Variants in PPP1R17 observed in about 807,000 individuals in gnomAD.
PPP1R17 encodes the protein protein phosphatase 1 regulatory subunit 17.
In PPP1R17, 12 loss-of-function variants were observed where a neutral mutation model predicts 15.9. That is an observed-to-expected ratio of 0.75 (90% CI 0.48 to 1.22). PPP1R17 has a LOEUF of 1.22. Among genes scored for constraint, PPP1R17 ranks in the 50% most tolerant of loss-of-function variants. PPP1R17 has a pLI of 0.00. For synonymous variants in PPP1R17, 63 were observed against 64.5 expected (o/e 0.98, Z 0.11); for missense variants, 211 against 187.3 (o/e 1.13, Z -0.74).
chr7:31,695,679 A>G, intron 3 of PPP1R17, 58 bp downstream of exon 3: 1 of 1,530,570 alleles, frequency 6.5e-7, no homozygotes, highest in Non-Finnish European at 8.8e-7. Context: ...ACTAGGTTGC[A>G]TTGTTCGTAC....
Position 31,690,112 on chromosome 7 carries a change from T to G in PPP1R17, c.-36-2294T>G, listed in dbSNP as rs112703575. Reference sequence around the variant, plus strand: ...GACAGGCTTTCTTTTTCTAGACTGGTGCTGCCATAGCTGCTTTGCTCAGAG... The same window carrying G: ...GACAGGCTTTCTTTTTCTAGACTGGGGCTGCCATAGCTGCTTTGCTCAGAG... On this transcript the variant is annotated intron_variant, in intron 1 of 4. Coordinates refer to ENST00000342032, the MANE Select transcript of PPP1R17 (RefSeq NM_006658.5). Among the ~76,000 whole-genome samples the G allele has an allele frequency of 5.3e-5, 8 of 152,352 alleles. 1 individual carries two copies. Among genetic ancestry groups the G allele is most frequent in the African/African-American group, 1.9e-4 (8 of 41,576 alleles).
intron 4 of PPP1R17, among the ~76,000 whole-genome samples, chr7:31,705,020 C>A (rs910804262): frequency 6.6e-6 from 1 of 152,162 alleles, no homozygotes; most frequent in African/African-American, 2.4e-5. Flanking sequence ...TTTCTATGAG[C>A]TACCACATAT....
chr7:31,698,676 G>A (rs1405648293), intron 4 of PPP1R17, among the ~76,000 whole-genome samples: 1 of 152,224 alleles, frequency 6.6e-6, no homozygotes, highest in African/African-American at 2.4e-5. Context: ...AATGGTACAG[G>A]AAGAAAGTCA....
chr7:31,703,318 C>T lies in PPP1R17; in HGVS notation c.389-3886C>T, dbSNP rs554513671. Among the ~76,000 whole-genome samples the T allele has an allele frequency of 1.4e-4, 21 of 152,312 alleles. No homozygotes were observed. In the South Asian group the frequency reaches 1.4e-3, roughly 11 times the overall value. ...CCTGCTGATTCAAGGAACAGCCTAA[C>T]GGGTTGAGCTCTGTTTACCTGGCAT... On this transcript the variant is annotated intron_variant, in intron 4 of 4. Transcript: ENST00000342032.
chr7:31,697,054 C>T lies in PPP1R17; in HGVS notation c.325C>T (p.Leu109=). ...GATCCCTGTTCTTCATAACACTGAC[C>T]TGGAACAGAAAAAGCCAAGGAGAAA... ...KMIPVLHNTD[L]EQKKPRRKDT... The change falls in exon 4 of 5, where the codon CTG becomes TTG. Residue 109 remains leucine (L), a synonymous_variant. Coordinates refer to ENST00000342032, the MANE Select transcript of PPP1R17 (RefSeq NM_006658.5). 2 of 1,614,128 alleles carry T rather than the reference C, an allele frequency of 1.2e-6. No homozygotes were observed. Among genetic ancestry groups the T allele is most frequent in the Non-Finnish European group, 1.7e-6 (2 of 1,180,016 alleles).
intron 4 of PPP1R17, among the ~76,000 whole-genome samples, chr7:31,704,384 C>T (rs1483892905): frequency 1.3e-5 from 2 of 152,194 alleles, no homozygotes; most frequent in African/African-American, 4.8e-5. Flanking sequence ...AGCTGATTGG[C>T]CCTTGGAGAC....
chr7:31,704,681 G>T (rs917338937), intron 4 of PPP1R17, among the ~76,000 whole-genome samples: 3 of 152,166 alleles, frequency 2.0e-5, no homozygotes, highest in Non-Finnish European at 4.4e-5. Flanking sequence ...TCTATTTGGG[G>T]ACATCACACA....
At chr7:31,687,771 G>A (rs1792165615) in intron 1 of PPP1R17, among the ~76,000 whole-genome samples, 2 of 152,152 alleles carry the variant, frequency 1.3e-5, no homozygotes, top group Admixed American at 6.5e-5. Context: ...AAAGAGGTTT[G>A]ACAATGAATA....
chr7:31,693,827 G>C (rs1792457497), intron 2 of PPP1R17, among the ~76,000 whole-genome samples: 3 of 152,142 alleles, frequency 2.0e-5, no homozygotes, highest in Admixed American at 2.0e-4. Flanking sequence ...AAGAGAGAAG[G>C]AAGAGAAGGA....
At position 31,707,482 on chromosome 7, in the gene PPP1R17, T is replaced by C; in HGVS notation, c.*199T>C. On this transcript the variant is annotated 3_prime_UTR_variant, in exon 5 of 5. Transcript: ENST00000342032. ...CTCTTCTTTCTGAGTATGGTTTCTA[T>C]TCTGTGTTTTGAATTTTTATTTTCT... The C allele has an allele frequency of 1.8e-6, 1 of 540,862 alleles. No homozygotes were observed. The highest frequency in any genetic ancestry group is 3.2e-6 in the Non-Finnish European group (1 of 307,832). 33.5% of individuals were successfully genotyped at this position (540,862 alleles called of 1,614,324 possible).
At chr7:31,697,861 G>A (rs112153922) in intron 4 of PPP1R17, among the ~76,000 whole-genome samples, 51 of 152,252 alleles carry the variant, frequency 3.3e-4, no homozygotes, top group Non-Finnish European at 5.7e-4. Flanking sequence ...CTATTATCTC[G>A]TTTTGCAGAC....
At chr7:31,704,464 T>C (rs1380238318) in intron 4 of PPP1R17, among the ~76,000 whole-genome samples, 2 of 152,208 alleles carry the variant, frequency 1.3e-5, no homozygotes, top group Non-Finnish European at 1.5e-5. Flanking sequence ...TAAACTCTTC[T>C]GTATAGAGAG....
At chr7:31,690,212 C>T (rs190735897) in intron 1 of PPP1R17, among the ~76,000 whole-genome samples, 12 of 152,302 alleles carry the variant, frequency 7.9e-5, no homozygotes, top group East Asian at 3.9e-4. Flanking sequence ...CATTATACAA[C>T]GGGTCTTCCT....
chr7:31,690,173 A>G (rs956675468), intron 1 of PPP1R17, among the ~76,000 whole-genome samples: 3 of 152,236 alleles, frequency 2.0e-5, no homozygotes, highest in Non-Finnish European at 2.9e-5. Context: ...CATCTGAAAG[A>G]AAAGTTCAAT....
intron 2 of PPP1R17, among the ~76,000 whole-genome samples, chr7:31,693,446 T>C (rs1463638557): frequency 6.6e-6 from 1 of 152,202 alleles, no homozygotes; most frequent in Non-Finnish European, 1.5e-5. Context: ...GGCATTAAGA[T>C]ACATAGTCCC....
intron 4 of PPP1R17, among the ~76,000 whole-genome samples, chr7:31,705,593 T>C (rs1279267968): frequency 6.6e-6 from 1 of 152,210 alleles, no homozygotes; most frequent in Non-Finnish European, 1.5e-5. Context: ...AACTAGGAAC[T>C]GAAACAAATG....
chr7:31,697,350 C>A (rs1264384069), intron 4 of PPP1R17, among the ~76,000 whole-genome samples: 1 of 152,162 alleles, frequency 6.6e-6, no homozygotes, highest in East Asian at 1.9e-4. Context: ...CATGCCTCAG[C>A]AGAGCTGGTT....
chr7:31,694,091 T>C (rs1333205415), intron 2 of PPP1R17, among the ~76,000 whole-genome samples: 1 of 152,188 alleles, frequency 6.6e-6, no homozygotes, highest in Non-Finnish European at 1.5e-5. Context: ...AGTTAAAAGA[T>C]AAGGCACCTG....
chr7:31,707,309 A>G lies in PPP1R17; in HGVS notation c.*26A>G. The G allele has an allele frequency of 6.3e-7, 1 of 1,594,036 alleles. No homozygotes were observed. Among genetic ancestry groups the G allele is most frequent in the Non-Finnish European group, 8.6e-7 (1 of 1,162,830 alleles). On this transcript the variant is annotated 3_prime_UTR_variant, in exon 5 of 5. Coordinates refer to ENST00000342032, the MANE Select transcript of PPP1R17 (RefSeq NM_006658.5). Reference sequence around the variant, plus strand: ...AGATAGTTCCCCTGAGACCACTTGTAAATAGGTTAGATTGGTTCCCTGTGG... The same window carrying G: ...AGATAGTTCCCCTGAGACCACTTGTGAATAGGTTAGATTGGTTCCCTGTGG...
Sources: gnomAD v4.1 joint callset for allele counts (sites outside exome capture counted in the v4.1 genomes callset) on GRCh38, gnomAD v4.1.1 for gene constraint, MANE v1.5 for transcripts, NCBI Gene and HGNC (gene_info 2026-07-23, HGNC 2026-07-21) for gene names.